SHANK2: variants seen among roughly 807,000 people sequenced by gnomAD.
SHANK2 encodes the protein SH3 and multiple ankyrin repeat domains 2.
A neutral mutation model predicts 133.7 loss-of-function variants in SHANK2; 43 were observed. The observed-to-expected ratio is 0.32, with a 90% CI of 0.25 to 0.41. The LOEUF is 0.41. Among genes scored for constraint, SHANK2 ranks in the 10% least tolerant of loss-of-function variants. The pLI, the probability that SHANK2 is intolerant of heterozygous loss-of-function variation, is 1.00. For synonymous variants in SHANK2, 1,017 were observed against 952.8 expected (o/e 1.07, Z -1.24); for missense variants, 1,994 against 2,235.8 (o/e 0.89, Z 2.18).
intron 3 of SHANK2, among the ~76,000 whole-genome samples, chr11:71,143,388 C>T (rs1952590815): frequency 6.6e-6 from 1 of 152,150 alleles, no homozygotes; most frequent in Non-Finnish European, 1.5e-5. Flanking sequence ...ATTTGTAACC[C>T]CAAAATCCAT....
chr11:70,625,783 C>T (rs1364001621), intron 17 of SHANK2, among the ~76,000 whole-genome samples: 3 of 118,904 alleles, frequency 2.5e-5, no homozygotes, highest in Non-Finnish European at 4.8e-5. Context: ...AATCTCAGTG[C>T]AGCCTCTTGG....
At chr11:70,806,616 G>C (rs1555051913) in intron 13 of SHANK2, among the ~76,000 whole-genome samples, 1 of 152,140 alleles carries the variant, frequency 6.6e-6, no homozygotes, top group African/African-American at 2.4e-5. Flanking sequence ...CCGGGCCTCA[G>C]GTCACACCGG....
In SHANK2 at chr11:71,119,050, GACA is replaced by G. The variant is rs1266230416; in HGVS notation, c.208-21_208-19del. On this transcript the variant is annotated intron_variant, in intron 3 of 25. Coordinates refer to ENST00000601538, the MANE Select transcript of SHANK2 (RefSeq NM_012309.5). ...ATGCATTTCTGCCAGGAAGGACAAA[GACA>G]GCTGATGAGTGACAGAGGACGCTAC... The G allele has an allele frequency of 2.6e-6, 4 of 1,550,510 alleles. No homozygotes were observed. Among genetic ancestry groups the G allele is most frequent in the Non-Finnish European group, 3.5e-6 (4 of 1,146,100 alleles).
intron 10 of SHANK2, among the ~76,000 whole-genome samples, chr11:70,903,828 T>G (rs372942637): frequency 6.6e-6 from 1 of 152,222 alleles, no homozygotes; most frequent in African/African-American, 2.4e-5. Context: ...GTGTGCCAGA[T>G]GCAAAGCCCC....
chr11:70,610,097 G>A (rs1251644379), intron 17 of SHANK2, among the ~76,000 whole-genome samples: 1 of 151,580 alleles, frequency 6.6e-6, no homozygotes, highest in South Asian at 2.1e-4. Flanking sequence ...CTTTTGGGGC[G>A]GTTAACTAGG....
At chr11:70,735,116 T>G (rs1591797783) in intron 14 of SHANK2, among the ~76,000 whole-genome samples, 1 of 152,122 alleles carries the variant, frequency 6.6e-6, no homozygotes, top group African/African-American at 2.4e-5. Context: ...TCCCCCCAGG[T>G]GGGCAGGTTT....
intron 2 of SHANK2, among the ~76,000 whole-genome samples, chr11:71,162,854 C>T (rs1953048228): frequency 2.0e-5 from 3 of 151,780 alleles, no homozygotes; most frequent in Admixed American, 6.6e-5. Flanking sequence ...GGGCAGATCA[C>T]GAGGTCAGGA....
At chr11:70,931,751 T>C (rs1401779195) in intron 10 of SHANK2, among the ~76,000 whole-genome samples, 1 of 152,228 alleles carries the variant, frequency 6.6e-6, no homozygotes, top group Non-Finnish European at 1.5e-5. Flanking sequence ...GCGCCAAGCG[T>C]CTATCACAGC....
rs917046094 is a variant in SHANK2, at chr11:70,486,314, C to T, written c.3979G>A (p.Ala1327Thr). Residue 1327 changes from alanine to threonine, a missense_variant, in exon 25 of 26, where the codon GCC becomes ACC. By Grantham distance (58) the Ala-to-Thr change is moderately conservative. This residue lies in a region of SHANK2 where 797 missense variants were observed against 907.4 expected (regional missense o/e 0.88). Transcript: ENST00000601538. This position sits in a 1 kb window ranked among gnomAD's most constrained non-coding sequence, Gnocchi z 8.0. The part of the protein sequence containing the change: ...HTVDATKLDN[A>T]LQEEDEKAEV... Reference sequence around the variant, plus strand: ...GCCTTCTCGTCCTCTTCCTGCAGGGCGTTGTCCAGCTTAGTGGCGTCCACG... The same window carrying T: ...GCCTTCTCGTCCTCTTCCTGCAGGGTGTTGTCCAGCTTAGTGGCGTCCACG... 26 of 1,613,832 alleles carry T rather than the reference C, an allele frequency of 1.6e-5. No homozygotes were observed. Among genetic ancestry groups the T allele is most frequent in the African/African-American group, 2.7e-5 (2 of 74,926 alleles).
intron 11 of SHANK2, among the ~76,000 whole-genome samples, chr11:70,836,473 A>G (rs868962864): frequency 6.6e-6 from 1 of 152,108 alleles, no homozygotes; most frequent in Admixed American, 6.5e-5. Context: ...GAGGGAAAGG[A>G]CTTCCTGTGG....
intron 17 of SHANK2, among the ~76,000 whole-genome samples, chr11:70,558,340 C>T (rs182374929): frequency 6.6e-6 from 1 of 152,362 alleles, no homozygotes; most frequent in Non-Finnish European, 1.5e-5. Context: ...AGGAAGGGAG[C>T]AGCCGGCTTC....
chr11:71,068,290 T>C (rs2135959224), intron 9 of SHANK2, among the ~76,000 whole-genome samples: 1 of 152,306 alleles, frequency 6.6e-6, no homozygotes, highest in Admixed American at 6.5e-5. Flanking sequence ...AAACTGTGAA[T>C]CCTAAATGCC....
At chr11:70,899,326 T>C (rs138628884) in intron 10 of SHANK2, among the ~76,000 whole-genome samples, 6 of 152,302 alleles carry the variant, frequency 3.9e-5, no homozygotes, top group Non-Finnish European at 7.4e-5. Context: ...CTGACACTCA[T>C]TCTCTCTCCT....
chr11:71,111,949 G>A (rs1951897452), intron 5 of SHANK2, among the ~76,000 whole-genome samples: 1 of 152,332 alleles, frequency 6.6e-6, no homozygotes, highest in East Asian at 1.9e-4. Context: ...AGAGCCCAGA[G>A]CATCTTGTGC....
Position 70,485,239 on chromosome 11 carries a change from T to A in SHANK2, c.4979+75A>T. 1 of 1,300,376 alleles carries A rather than the reference T, an allele frequency of 7.7e-7. No homozygotes were observed. The highest frequency in any genetic ancestry group is 1.2e-5 in the South Asian group (1 of 84,722). The allele number at this position is 1,300,376 out of a possible 1,614,324, so 80.6% of individuals were successfully genotyped here. On this transcript the variant is annotated intron_variant, in intron 25 of 25. Coordinates refer to ENST00000601538, the MANE Select transcript of SHANK2 (RefSeq NM_012309.5). The surrounding 1 kb of genome is among the most constrained non-coding windows in gnomAD (Gnocchi z 5.8). ...CCCTCTTCGTGTCCGCTGGGGCTGC[T>A]ACCCGAGGGCCTTTCCTGGTCAGCA...
intron 17 of SHANK2, among the ~76,000 whole-genome samples, chr11:70,641,042 T>G (rs557130866): frequency 1.3e-5 from 2 of 149,710 alleles, no homozygotes; most frequent in Non-Finnish European, 3.0e-5. Context: ...GTGTACAGAA[T>G]TTTTAAAATT....
At chr11:70,777,161 AC>A (rs1471978239) in intron 14 of SHANK2, among the ~76,000 whole-genome samples, 1 of 150,306 alleles carries the variant, frequency 6.7e-6, no homozygotes, top group African/African-American at 2.5e-5. Flanking sequence ...TTATCCATCC[AC>A]TCACTCACTC....
intron 17 of SHANK2, among the ~76,000 whole-genome samples, chr11:70,618,837 G>C (rs782713749): frequency 3.9e-4 from 60 of 152,198 alleles, no homozygotes; most frequent in African/African-American, 1.4e-3. Flanking sequence ...ACCACCCAAG[G>C]CTGGCTCTCC....
At chr11:70,911,363 A>C (rs1313259548) in intron 10 of SHANK2, among the ~76,000 whole-genome samples, 2 of 149,520 alleles carry the variant, frequency 1.3e-5, no homozygotes, top group Non-Finnish European at 2.9e-5. Flanking sequence ...CTCAAAAAAA[A>C]CAAAAAAACA....
Sources: allele counts gnomAD v4.1 joint callset (sites outside exome capture counted in the v4.1 genomes callset), GRCh38; gene constraint gnomAD v4.1.1; regional missense constraint gnomAD v4.1.1; non-coding constraint Gnocchi (gnomAD v3.1); transcripts MANE v1.5; gene names NCBI Gene and HGNC (gene_info 2026-07-23, HGNC 2026-07-21).